The following EBF3 variants were observed in gnomAD, a reference collection of about 807,000 sequenced individuals.
EBF3 encodes the protein transcription factor COE3.
A neutral mutation model predicts 77.1 loss-of-function variants in EBF3; 18 were observed. The observed-to-expected ratio is 0.23, with a 90% CI of 0.16 to 0.35. The LOEUF (loss-of-function observed/expected upper bound fraction) is 0.35, where lower values mean the gene tolerates loss of function less well. Among genes scored for constraint, EBF3 ranks in the 10% least tolerant of loss-of-function variants. The pLI is 1.00. For synonymous variants in EBF3, 350 were observed against 343.5 expected (o/e 1.02, Z -0.21); for missense variants, 558 against 860.0 (o/e 0.65, Z 4.39).
chr10:129,927,599 C>T (rs900313675), intron 6 of EBF3, among the ~76,000 whole-genome samples: 1 of 152,174 alleles, frequency 6.6e-6, no homozygotes, highest in Admixed American at 6.5e-5. Context: ...GGCAGCCATG[C>T]CTCCTATGCT....
chr10:129,933,494 TAA>T (rs1857164497), intron 6 of EBF3, among the ~76,000 whole-genome samples: 1 of 152,196 alleles, frequency 6.6e-6, no homozygotes, highest in African/African-American at 2.4e-5. Context: ...CGATTAGAGC[TAA>T]AGTGATTCCT....
intron 8 of EBF3, 144 bp downstream of exon 8, chr10:129,873,308 G>A (rs1300934692): frequency 4.0e-6 from 4 of 1,003,650 alleles, no homozygotes; most frequent in Admixed American, 4.2e-5. Context: ...CCACCTCGGG[G>A]ACACCCCCTC....
rs529365596 is a variant in EBF3 at position 129,921,174 on chromosome 10, G to A, written c.554+36084C>T. On this transcript the variant is annotated intron_variant, in intron 6 of 16. Transcript: ENST00000440978. ...CGTTCTGGAAAAAGAAATCACTTTC[G>A]ATGGTCAGGAAGAATGTGCTGGATC... Among the ~76,000 whole-genome samples, 70 of 152,238 alleles carry A rather than the reference G, an allele frequency of 4.6e-4. 1 individual carries two copies. In the South Asian group the frequency reaches 0.014, roughly 30 times the overall value.
intron 6 of EBF3, among the ~76,000 whole-genome samples, chr10:129,949,864 TTCA>T (rs1278839716): frequency 6.6e-6 from 1 of 152,032 alleles, no homozygotes; most frequent in Non-Finnish European, 1.5e-5. Flanking sequence ...CCTTTGTAAA[TTCA>T]TCATCACAAG....
chr10:129,854,869 C>T (rs1053778095), intron 10 of EBF3, among the ~76,000 whole-genome samples: 1 of 152,264 alleles, frequency 6.6e-6, no homozygotes, highest in Non-Finnish European at 1.5e-5. Flanking sequence ...GCAGCCTCCG[C>T]GTCGTTCACC....
chr10:129,875,050 G>A lies in EBF3; in HGVS notation c.637-1454C>T, dbSNP rs536924833. Among the ~76,000 whole-genome samples, 5 of 151,936 alleles carry A rather than the reference G, an allele frequency of 3.3e-5. No homozygotes were observed. The Middle Eastern group carries it at 0.014, about 413-fold the overall frequency. On this transcript the variant is annotated intron_variant, in intron 7 of 16. Transcript: ENST00000440978. ...TTAAACTAGTTACCTAATACAAAAT[G>A]AATACAATTCATTGTATTCAATGAG...
At chr10:129,888,170 C>T (rs1252044593) in intron 6 of EBF3, among the ~76,000 whole-genome samples, 2 of 152,334 alleles carry the variant, frequency 1.3e-5, no homozygotes, top group South Asian at 2.1e-4. Context: ...ACGCCCTCCG[C>T]GTGATTTTCC....
chr10:129,963,543 G>A lies in EBF3; in HGVS notation c.135-20C>T. 1 of 1,490,458 alleles carries A rather than the reference G, an allele frequency of 6.7e-7. No homozygotes were observed. The highest frequency in any genetic ancestry group is 9.0e-7 in the Non-Finnish European group (1 of 1,114,402). The allele number at this position is 1,490,458 out of a possible 1,614,324, so 92.3% of individuals were successfully genotyped here. A position where few individuals can be genotyped will look rare whatever the true frequency, so the allele number is the denominator to read the frequency against. ...ACGCCGCTGCGGGAGGAAAGAGACA[G>A]CGGCCCGGTGAGGAGCGCGGCGCCG... On this transcript the variant is annotated intron_variant, in intron 1 of 16. Transcript: ENST00000440978. This position sits in a 1 kb window ranked among gnomAD's most constrained non-coding sequence, Gnocchi z 7.1.
intron 6 of EBF3, among the ~76,000 whole-genome samples, chr10:129,923,538 A>C (rs1394665696): frequency 6.6e-6 from 1 of 152,202 alleles, no homozygotes; most frequent in Non-Finnish European, 1.5e-5. Context: ...CTGAACAGGG[A>C]GTGGGTGGTC....
At position 129,897,671 on chromosome 10, in the gene EBF3, A is replaced by G. The variant is rs1416899679; in HGVS notation, c.555-19822T>C. Reference sequence around the variant, plus strand: ...CTCAGAGCCCTGACGGACAGCTGACATTCTCCTATTTATTATCAAGAAGTA... The same window carrying G: ...CTCAGAGCCCTGACGGACAGCTGACGTTCTCCTATTTATTATCAAGAAGTA... On this transcript the variant is annotated intron_variant, in intron 6 of 16. Coordinates refer to ENST00000440978, the MANE Select transcript of EBF3 (RefSeq NM_001375380.1). This position sits in a 1 kb window ranked among gnomAD's most constrained non-coding sequence, Gnocchi z 4.6. Among the ~76,000 whole-genome samples, 2 of 152,314 alleles carry G rather than the reference A, an allele frequency of 1.3e-5. No individual in the cohort carries two copies. Among genetic ancestry groups the G allele is most frequent in the East Asian group, 3.9e-4 (2 of 5,184 alleles).
intron 6 of EBF3, among the ~76,000 whole-genome samples, chr10:129,915,142 G>T (rs1179768189): frequency 3.3e-5 from 5 of 152,188 alleles, no homozygotes; most frequent in African/African-American, 1.2e-4. Flanking sequence ...AGGGAGGGAT[G>T]AGGGAGAAGA....
intron 6 of EBF3, among the ~76,000 whole-genome samples, chr10:129,919,820 C>T (rs912395825): frequency 6.6e-6 from 1 of 152,160 alleles, no homozygotes; most frequent in African/African-American, 2.4e-5. Context: ...TCCCTGAGGG[C>T]AGGGGGAGCT....
intron 6 of EBF3, among the ~76,000 whole-genome samples, chr10:129,921,775 G>A (rs1856330766): frequency 6.6e-6 from 1 of 152,196 alleles, no homozygotes; most frequent in African/African-American, 2.4e-5. Flanking sequence ...GAACTGGGAT[G>A]TGGCTGGCAT....
intron 6 of EBF3, among the ~76,000 whole-genome samples, chr10:129,888,752 T>C (rs1401167250): frequency 1.3e-5 from 2 of 152,250 alleles, no homozygotes; most frequent in African/African-American, 4.8e-5. Flanking sequence ...TAATTATTCA[T>C]GAAGAACATT....
chr10:129,851,376 G>A (rs1420834030), intron 10 of EBF3, among the ~76,000 whole-genome samples: 2 of 152,204 alleles, frequency 1.3e-5, no homozygotes, highest in Non-Finnish European at 1.5e-5. Context: ...AGCATCTGGA[G>A]AGCCGTAAAT....
chr10:129,877,726 A>G, intron 7 of EBF3, 42 bp downstream of exon 7: 1 of 1,555,820 alleles, frequency 6.4e-7, no homozygotes. Flanking sequence ...TTTGGTATGA[A>G]AAGTCAGGAC....
intron 8 of EBF3, among the ~76,000 whole-genome samples, chr10:129,871,729 T>C (rs1253114637): frequency 6.6e-6 from 1 of 152,148 alleles, no homozygotes; most frequent in African/African-American, 2.4e-5. Context: ...GGGTATTAAT[T>C]ACAAAAAAAT....
At chr10:129,871,758 T>A (rs1852423133) in intron 8 of EBF3, among the ~76,000 whole-genome samples, 2 of 152,236 alleles carry the variant, frequency 1.3e-5, no homozygotes, top group Admixed American at 1.3e-4. Flanking sequence ...CTACTATTTA[T>A]GACAAATGCC....
intron 6 of EBF3, among the ~76,000 whole-genome samples, chr10:129,928,102 G>A (rs999296911): frequency 8.5e-5 from 13 of 152,132 alleles, no homozygotes; most frequent in African/African-American, 2.4e-4. Flanking sequence ...AACTCAAGAC[G>A]TCCAGCCGAG....
Sources: allele counts gnomAD v4.1 joint callset (sites outside exome capture counted in the v4.1 genomes callset), GRCh38; gene constraint gnomAD v4.1.1; non-coding constraint Gnocchi (gnomAD v3.1); transcripts MANE v1.5; gene names NCBI Gene and HGNC (gene_info 2026-07-23, HGNC 2026-07-21).